MARCHF1: variants seen among roughly 807,000 people sequenced by gnomAD.
MARCHF1 encodes E3 ubiquitin-protein ligase MARCHF1.
In MARCHF1, 40 loss-of-function variants were observed where a neutral mutation model predicts 54.2. The observed-to-expected ratio is 0.74, with a 90% CI of 0.57 to 0.96. The LOEUF (loss-of-function observed/expected upper bound fraction) is 0.96. Ranked by LOEUF, MARCHF1 falls within the 40% of genes least tolerant of loss-of-function variation. MARCHF1 has a pLI of 0.00. For missense variants in MARCHF1, 586 were observed against 656.5 expected (o/e 0.89, Z 1.17); for synonymous variants, 236 against 236.3 (o/e 1.00, Z 0.01).
chr4:163,559,432 A>G (rs928718813), intron 8 of MARCHF1, among the ~76,000 whole-genome samples: 6 of 152,186 alleles, frequency 3.9e-5, no homozygotes, highest in Non-Finnish European at 5.9e-5. Context: ...TTTCGAACTA[A>G]GAAGAAGTCA....
At chr4:164,006,992 A>C (rs1308481925) in intron 2 of MARCHF1, among the ~76,000 whole-genome samples, 1 of 2,522 alleles carries the variant, frequency 4.0e-4, no homozygotes, top group Non-Finnish European at 1.4e-3. Context: ...TGAAATCTGA[A>C]AAAAAAAAAA....
At chr4:164,340,696 T>C (rs1729899274) in intron 1 of MARCHF1, among the ~76,000 whole-genome samples, 1 of 151,788 alleles carries the variant, frequency 6.6e-6, no homozygotes, top group African/African-American at 2.4e-5. Flanking sequence ...GTGCTGGCAT[T>C]ACAGGCATAA....
At chr4:164,116,371 T>G (rs2110751927) in intron 1 of MARCHF1, among the ~76,000 whole-genome samples, 1 of 152,322 alleles carries the variant, frequency 6.6e-6, no homozygotes, top group East Asian at 1.9e-4. Context: ...GGCAAATAAC[T>G]AACTATCTTA....
rs1240738322 is a variant in MARCHF1, at chr4:163,527,720, A to T, written c.*1028T>A. Reference sequence around the variant, plus strand: ...AAGCAGAAGCTTAGTCTCTAATTTTACGGCTGTGCTATCCAATATAGTTAA... The same window carrying T: ...AAGCAGAAGCTTAGTCTCTAATTTTTCGGCTGTGCTATCCAATATAGTTAA... On this transcript the variant is annotated 3_prime_UTR_variant, in exon 10 of 10. Coordinates refer to ENST00000514618, the MANE Select transcript of MARCHF1 (RefSeq NM_001394959.1). 1 of 151,792 alleles carries T rather than the reference A, an allele frequency of 6.6e-6. No individual in the cohort carries two copies. Among genetic ancestry groups the T allele is most frequent in the African/African-American group, 2.4e-5 (1 of 41,418 alleles). The allele number at this position is 151,792 out of a possible 1,614,324, so 9.4% of individuals were successfully genotyped here. A position where few individuals can be genotyped will look rare whatever the true frequency, so the allele number is the denominator to read the frequency against.
Position 163,528,614 on chromosome 4 carries a change from A to G in MARCHF1, c.*134T>C, listed in dbSNP as rs776639571. On this transcript the variant is annotated 3_prime_UTR_variant, in exon 10 of 10. Transcript: ENST00000514618. ...TGTTTTTCTCCTTTCCTCTTTGAAC[A>G]AAGTCAGGAAAAATGTGTCAGTAGG... The G allele has an allele frequency of 1.4e-5, 13 of 925,300 alleles. No individual in the cohort carries two copies. The highest frequency in any genetic ancestry group is 2.1e-5 in the Non-Finnish European group (13 of 626,804). The allele number at this position is 925,300 out of a possible 1,614,324, so 57.3% of individuals were successfully genotyped here.
intron 2 of MARCHF1, among the ~76,000 whole-genome samples, chr4:164,022,217 T>A (rs564521299): frequency 2.4e-4 from 37 of 152,340 alleles, no homozygotes; most frequent in African/African-American, 8.4e-4. Flanking sequence ...TACTGTTCAA[T>A]ACATAAGCTA....
chr4:164,042,370 A>C (rs1375763037), intron 2 of MARCHF1, among the ~76,000 whole-genome samples: 2 of 152,222 alleles, frequency 1.3e-5, no homozygotes, highest in Non-Finnish European at 2.9e-5. Context: ...CAAGAAACTT[A>C]CAGTCATGGT....
intron 8 of MARCHF1, among the ~76,000 whole-genome samples, chr4:163,555,651 C>T (rs1388059343): frequency 1.3e-5 from 2 of 152,046 alleles, no homozygotes; most frequent in African/African-American, 4.8e-5. Context: ...ATCTACTGAG[C>T]TGTGTCCATG....
At chr4:163,564,249 GC>G (rs755799857) in intron 8 of MARCHF1, among the ~76,000 whole-genome samples, 1 of 152,170 alleles carries the variant, frequency 6.6e-6, no homozygotes, top group Non-Finnish European at 1.5e-5. Flanking sequence ...CAACCAAAAA[GC>G]CTTTGTTGAC....
intron 1 of MARCHF1, among the ~76,000 whole-genome samples, chr4:164,261,246 T>C (rs1160548629): frequency 2.6e-5 from 4 of 152,144 alleles, no homozygotes; most frequent in Non-Finnish European, 4.4e-5. Flanking sequence ...TTGCTTAAGT[T>C]ACCCAGTTTG....
At chr4:163,955,716 C>T (rs1327296016) in intron 3 of MARCHF1, among the ~76,000 whole-genome samples, 4 of 152,116 alleles carry the variant, frequency 2.6e-5, no homozygotes, top group South Asian at 2.1e-4. Context: ...TGAAATTCTT[C>T]GCTTGCAATA....
intron 3 of MARCHF1, among the ~76,000 whole-genome samples, chr4:163,937,679 A>G (rs1469138822): frequency 2.6e-5 from 4 of 152,230 alleles, no homozygotes; most frequent in African/African-American, 4.8e-5. Flanking sequence ...ATCAGGATCA[A>G]TCAAGCCAAC....
chr4:164,273,576 C>T (rs1310496018), intron 1 of MARCHF1, among the ~76,000 whole-genome samples: 1 of 152,114 alleles, frequency 6.6e-6, no homozygotes, highest in Non-Finnish European at 1.5e-5. Context: ...TACGCTAAGA[C>T]ATAAAATTCA....
intron 1 of MARCHF1, among the ~76,000 whole-genome samples, chr4:164,200,361 G>A (rs566014215): frequency 4.6e-5 from 7 of 152,252 alleles, no homozygotes; most frequent in South Asian, 2.1e-4. Flanking sequence ...TATCTAAGAC[G>A]CACTTCTCTC....
intron 1 of MARCHF1, chr4:164,197,164 T>C (rs986192230): frequency 1.9e-6 from 3 of 1,607,962 alleles, no homozygotes; most frequent in Non-Finnish European, 2.6e-6. Context: ...CTCCTCATCT[T>C]CCACTACCTG....
At chr4:163,984,499 T>C (rs1752823490) in intron 3 of MARCHF1, among the ~76,000 whole-genome samples, 1 of 152,146 alleles carries the variant, frequency 6.6e-6, no homozygotes, top group Admixed American at 6.5e-5. Context: ...GCAGCGCAGG[T>C]GCCAGAAACA....
intron 4 of MARCHF1, among the ~76,000 whole-genome samples, chr4:163,763,236 A>G (rs1352696246): frequency 2.6e-5 from 4 of 152,058 alleles, no homozygotes; most frequent in Non-Finnish European, 4.4e-5. Context: ...GGTAAACGTG[A>G]TCATGACCTG....
At chr4:164,200,539 C>T (rs1731424023) in intron 1 of MARCHF1, among the ~76,000 whole-genome samples, 1 of 152,104 alleles carries the variant, frequency 6.6e-6, no homozygotes, top group Non-Finnish European at 1.5e-5. Context: ...TTACCATGGC[C>T]TTCTGTCTAA....
At chr4:163,699,764 CA>C (rs1308648720) in intron 5 of MARCHF1, among the ~76,000 whole-genome samples, 3 of 152,040 alleles carry the variant, frequency 2.0e-5, no homozygotes, top group Admixed American at 6.6e-5. Flanking sequence ...CATTGTTTTC[CA>C]TTTTGACAAA....
Sources: allele counts gnomAD v4.1 joint callset (sites outside exome capture counted in the v4.1 genomes callset), GRCh38; gene constraint gnomAD v4.1.1; transcripts MANE v1.5; gene names NCBI Gene and HGNC (gene_info 2026-07-23, HGNC 2026-07-21).